Variants in ZMAT4 observed in about 807,000 individuals in gnomAD.
The protein encoded by ZMAT4 is zinc finger matrin-type protein 4.
Under a neutral mutation model 28.7 loss-of-function variants are expected in ZMAT4, and 17 were observed. That is an observed-to-expected ratio of 0.59 (90% CI 0.41 to 0.89). The LOEUF (loss-of-function observed/expected upper bound fraction) is 0.89. ZMAT4 is among the 40% of genes least tolerant of loss of function. The pLI is 0.00. For missense variants in ZMAT4, 240 were observed against 283.8 expected (o/e 0.85, Z 1.11); for synonymous variants, 117 against 109.2 (o/e 1.07, Z -0.44).
intron 6 of ZMAT4, among the ~76,000 whole-genome samples, chr8:40,547,261 G>A (rs1031178686): frequency 4.6e-5 from 7 of 152,148 alleles, no homozygotes; most frequent in African/African-American, 1.4e-4. Context: ...GGGTTAGCCT[G>A]CAAATCCCGC....
chr8:40,887,527 A>G (rs920404106), intron 1 of ZMAT4, among the ~76,000 whole-genome samples: 3 of 152,124 alleles, frequency 2.0e-5, no homozygotes, highest in Admixed American at 2.0e-4. Context: ...GATTTGTAAA[A>G]TAGTGGTTTG....
intron 4 of ZMAT4, among the ~76,000 whole-genome samples, chr8:40,694,632 C>G (rs1248127173): frequency 1.3e-5 from 2 of 152,168 alleles, no homozygotes; most frequent in Non-Finnish European, 2.9e-5. Flanking sequence ...ATGCCTACTT[C>G]TGCTGTTGGG....
At chr8:40,738,795 C>T (rs1811880941) in intron 3 of ZMAT4, among the ~76,000 whole-genome samples, 8 of 152,152 alleles carry the variant, frequency 5.3e-5, no homozygotes, top group Admixed American at 5.2e-4. Flanking sequence ...CGTCTAGGTG[C>T]TTTCCAGGAC....
At chr8:40,636,774 T>C (rs184513361) in intron 5 of ZMAT4, among the ~76,000 whole-genome samples, 31 of 152,268 alleles carry the variant, frequency 2.0e-4, no homozygotes, top group Admixed American at 3.9e-4. Context: ...ATTTGGAGCA[T>C]TGAGGAATCT....
At chr8:40,850,440 C>A (rs1167042195) in intron 1 of ZMAT4, among the ~76,000 whole-genome samples, 1 of 152,196 alleles carries the variant, frequency 6.6e-6, no homozygotes, top group East Asian at 1.9e-4. Flanking sequence ...TCTCCTTTCT[C>A]TGCTTCACAG....
rs182534701 is a variant in ZMAT4, at chr8:40,567,439, A to G, written c.674+13726T>C. ...ATGGTCTAGATAACATTAACTCAAA[A>G]AAGAAGAAAAGCCAGGCATGGTGGC... On this transcript the variant is annotated intron_variant, in intron 6 of 6. Transcript: ENST00000297737. 5.5e-4 allele frequency among the ~76,000 whole-genome samples: 84 copies of G among 152,228 alleles called. No homozygotes were observed. In the East Asian group the frequency reaches 0.014, roughly 26 times the overall value.
chr8:40,626,554 T>C (rs915505161), intron 5 of ZMAT4, among the ~76,000 whole-genome samples: 1 of 152,240 alleles, frequency 6.6e-6, no homozygotes, highest in Non-Finnish European at 1.5e-5. Context: ...CTGTCTCACC[T>C]GCCTCCATGC....
At chr8:40,813,002 T>C (rs1297443287) in intron 2 of ZMAT4, among the ~76,000 whole-genome samples, 2 of 150,412 alleles carry the variant, frequency 1.3e-5, no homozygotes, top group East Asian at 1.9e-4. Flanking sequence ...TAAAAATATA[T>C]ATATGCTATA....
At chr8:40,746,785 T>C (rs1379537268) in intron 3 of ZMAT4, among the ~76,000 whole-genome samples, 1 of 152,224 alleles carries the variant, frequency 6.6e-6, no homozygotes, top group African/African-American at 2.4e-5. Flanking sequence ...TAGCCTTTTC[T>C]ATGACGACAT....
Position 40,531,236 on chromosome 8 carries a change from G to A in ZMAT4, c.*987C>T, listed in dbSNP as rs1802684755. 6.6e-6 allele frequency: 1 copy of A among 152,122 alleles called. No individual in the cohort carries two copies. Among genetic ancestry groups the A allele is most frequent in the Non-Finnish European group, 1.5e-5 (1 of 68,018 alleles). 9.4% of individuals were successfully genotyped at this position (152,122 alleles called of 1,614,324 possible). A position where few individuals can be genotyped will look rare whatever the true frequency, so the allele number is the denominator to read the frequency against. ...CTTTATCGGTCATGCTCTTTCCAGA[G>A]TGACTGAGTCTTGGCTCAGCAGTAG... On this transcript the variant is annotated 3_prime_UTR_variant, in exon 7 of 7. Transcript: ENST00000297737.
intron 6 of ZMAT4, among the ~76,000 whole-genome samples, chr8:40,547,406 G>A (rs1207248578): frequency 6.6e-6 from 1 of 152,190 alleles, no homozygotes; most frequent in Non-Finnish European, 1.5e-5. Context: ...TTCTATGAAA[G>A]CATTTCACTG....
intron 1 of ZMAT4, among the ~76,000 whole-genome samples, chr8:40,837,977 T>A (rs1816558859): frequency 6.6e-6 from 1 of 152,184 alleles, no homozygotes; most frequent in African/African-American, 2.4e-5. Context: ...TGCTTTGCCA[T>A]CTTGTGAGGG....
At chr8:40,543,410 C>T (rs1009635284) in intron 6 of ZMAT4, among the ~76,000 whole-genome samples, 3 of 152,192 alleles carry the variant, frequency 2.0e-5, no homozygotes, top group South Asian at 2.1e-4. Flanking sequence ...TAGTCAAACT[C>T]AATGTTGTAG....
intron 1 of ZMAT4, among the ~76,000 whole-genome samples, chr8:40,854,560 G>A (rs1193814012): frequency 6.6e-6 from 1 of 152,186 alleles, no homozygotes; most frequent in African/African-American, 2.4e-5. Context: ...AGGCAGAAGG[G>A]ATTCCAGGAG....
intron 3 of ZMAT4, among the ~76,000 whole-genome samples, chr8:40,723,741 G>A (rs1811205182): frequency 6.6e-6 from 1 of 152,008 alleles, no homozygotes; most frequent in African/African-American, 2.4e-5. Context: ...ATCAACCATT[G>A]GAACACAATA....
At chr8:40,874,190 C>T (rs1313710130) in intron 1 of ZMAT4, among the ~76,000 whole-genome samples, 1 of 152,182 alleles carries the variant, frequency 6.6e-6, no homozygotes. Context: ...CACTCAGCAC[C>T]CCAGTGAATG....
intron 3 of ZMAT4, among the ~76,000 whole-genome samples, chr8:40,727,818 T>A (rs78330932): frequency 1.2e-5 from 1 of 82,068 alleles, no homozygotes; most frequent in Non-Finnish European, 2.2e-5. Context: ...TAAGACAAGA[T>A]AAAAATCCCT....
intron 4 of ZMAT4, among the ~76,000 whole-genome samples, chr8:40,678,990 A>T (rs1405341387): frequency 6.6e-6 from 1 of 152,154 alleles, no homozygotes; most frequent in Admixed American, 6.6e-5. Context: ...ACAATTTCTG[A>T]TTTGCAAAAT....
intron 1 of ZMAT4, among the ~76,000 whole-genome samples, chr8:40,883,855 G>A (rs1818362352): frequency 6.6e-6 from 1 of 152,104 alleles, no homozygotes; most frequent in African/African-American, 2.4e-5. Flanking sequence ...GCAGCTCCAG[G>A]CCTGTAGGAA....
Sources: gnomAD v4.1 joint callset for allele counts (sites outside exome capture counted in the v4.1 genomes callset) on GRCh38, gnomAD v4.1.1 for gene constraint, MANE v1.5 for transcripts, NCBI Gene and HGNC (gene_info 2026-07-23, HGNC 2026-07-21) for gene names.